CDK12: variants seen among roughly 807,000 people sequenced by gnomAD.
CDK12 encodes the protein cyclin-dependent kinase 12.
CDK12 carries 17 observed loss-of-function variants against 133.8 expected under a neutral mutation model. That is an observed-to-expected ratio of 0.13 (90% CI 0.09 to 0.19). The LOEUF is 0.19. CDK12 is among the 10% of genes least tolerant of loss of function. The pLI, the probability that CDK12 is intolerant of heterozygous loss-of-function variation, is 1.00. For synonymous variants in CDK12, 694 were observed against 683.6 expected (o/e 1.02, Z -0.24); for missense variants, 1,508 against 1,818.7 (o/e 0.83, Z 3.11).
At chr17:39,545,655 C>T (rs903269932), upstream of CDK12, among the ~76,000 whole-genome samples, 3 of 152,008 alleles carry the variant, frequency 2.0e-5, no homozygotes, top group Admixed American at 6.6e-5. Flanking sequence ...CCCGCCACTA[C>T]GCCTGGCTAA....
Position 39,483,954 on chromosome 17 carries a change from T to G in CDK12, c.1932-6603T>G, listed in dbSNP as rs543514406. On this transcript the variant is annotated intron_variant, in intron 2 of 13. Transcript: ENST00000447079. ...TGCCTCCAGGTTCAAGTGATTCTCA[T>G]GCCTCAACTTCCCAAGTGGCTGGGA... is the stretch of plus-strand genomic sequence containing the variant. 8.5e-5 allele frequency among the ~76,000 whole-genome samples: 13 copies of G among 152,170 alleles called. No individual in the cohort carries two copies. In the South Asian group the frequency reaches 2.7e-3, roughly 32 times the overall value.
chr17:39,501,945 A>G (rs1263992376), intron 6 of CDK12, among the ~76,000 whole-genome samples: 1 of 141,714 alleles, frequency 7.1e-6, no homozygotes, highest in Non-Finnish European at 1.5e-5. Context: ...CCCAGGTTCA[A>G]GCGATTCTCC....
At chr17:39,490,817 A>C in intron 3 of CDK12, 84 bp downstream of exon 3, 1 of 987,436 alleles carries the variant, frequency 1.0e-6, no homozygotes, top group Non-Finnish European at 1.5e-6. Context: ...TCTATAACCC[A>C]CACCAGTAAG....
At chr17:39,560,759 A>G (rs895616015) in intron 3 of CDK12, among the ~76,000 whole-genome samples, 1 of 152,214 alleles carries the variant, frequency 6.6e-6, no homozygotes, top group African/African-American at 2.4e-5. Flanking sequence ...CATGCCTGTA[A>G]TCCCAGCACT....
In CDK12 at chr17:39,519,857, G is replaced by A. The variant is rs2054059420; in HGVS notation, c.2964-99G>A. ...CGCAGTCCTACCTTGGCCTCCCAAA[G>A]TGCTGGAATTACAGGTGTGAGACCC... On this transcript the variant is annotated intron_variant, in intron 10 of 13. Transcript: ENST00000447079. 3.5e-6 allele frequency: 5 copies of A among 1,436,032 alleles called. No individual in the cohort carries two copies. The East Asian group carries it at 1.1e-4, about 33-fold the overall frequency. 89.0% of individuals were successfully genotyped at this position (1,436,032 alleles called of 1,614,324 possible). A position where few individuals can be genotyped will look rare whatever the true frequency, so the allele number is the denominator to read the frequency against.
chr17:39,561,267 A>G (rs1227476736), intron 3 of CDK12, among the ~76,000 whole-genome samples: 1 of 152,184 alleles, frequency 6.6e-6, no homozygotes, highest in Non-Finnish European at 1.5e-5. Flanking sequence ...GACCTATGAT[A>G]AGTGAGCTCT....
chr17:39,521,075 C>A (rs1174010402), intron 11 of CDK12, among the ~76,000 whole-genome samples: 1 of 152,026 alleles, frequency 6.6e-6, no homozygotes, highest in African/African-American at 2.4e-5. Context: ...GAACTCCCGA[C>A]CTCAGGTGAT....
At chr17:39,516,320 C>G (rs1408175154) in intron 9 of CDK12, among the ~76,000 whole-genome samples, 1 of 151,002 alleles carries the variant, frequency 6.6e-6, no homozygotes, top group Non-Finnish European at 1.5e-5. Flanking sequence ...TTGTTTTTTT[C>G]AATAAAATTA....
chr17:39,519,802 G>A (rs1023415623), intron 10 of CDK12, among the ~76,000 whole-genome samples, 154 bp from the exon 11 acceptor site: 1 of 151,884 alleles, frequency 6.6e-6, no homozygotes, highest in Non-Finnish European at 1.5e-5. Flanking sequence ...TCAGTATGTT[G>A]CCCAGGTTGA....
chr17:39,533,448 A>G lies in CDK12; in HGVS notation c.*2132A>G, dbSNP rs1166056225. The stretch of plus-strand genomic sequence containing the variant: ...TATTGGGCCCCACTCCCTGTTTTTT[A>G]TTAAAGAACGTGAGCCTGGGATACT... On this transcript the variant is annotated 3_prime_UTR_variant, in exon 14 of 14. Coordinates refer to ENST00000447079, the MANE Select transcript of CDK12 (RefSeq NM_016507.4). The G allele has an allele frequency of 1.7e-5, 4 of 233,008 alleles. No homozygotes were observed. Among genetic ancestry groups the G allele is most frequent in the African/African-American group, 6.6e-5 (3 of 45,318 alleles). 14.4% of individuals were successfully genotyped at this position (233,008 alleles called of 1,614,324 possible).
At chr17:39,552,489 C>T (rs2055993200) in intron 2 of CDK12, among the ~76,000 whole-genome samples, 1 of 152,224 alleles carries the variant, frequency 6.6e-6, no homozygotes, top group African/African-American at 2.4e-5. Flanking sequence ...GCTGCTGTTT[C>T]TACTCTGGAA....
intron 2 of CDK12, chr17:39,551,151 G>A (rs141473981): frequency 1.3e-5 from 2 of 152,314 alleles, no homozygotes; most frequent in East Asian, 3.9e-4. Flanking sequence ...AGGTAGGTAG[G>A]TGTTGGGGGA....
chr17:39,486,881 G>A (rs958960842), intron 2 of CDK12, among the ~76,000 whole-genome samples: 2 of 151,952 alleles, frequency 1.3e-5, no homozygotes, highest in African/African-American at 2.4e-5. Flanking sequence ...AGTGGCACAC[G>A]CCTGTAGTCC....
At chr17:39,503,344 A>G (rs1437279159) in intron 6 of CDK12, among the ~76,000 whole-genome samples, 1 of 152,184 alleles carries the variant, frequency 6.6e-6, no homozygotes, top group African/African-American at 2.4e-5. Context: ...AAGTCCTGGT[A>G]TTACAAGCGT....
chr17:39,535,193 T>C (rs893674559), downstream of CDK12: 4 of 152,208 alleles, frequency 2.6e-5, no homozygotes, highest in Non-Finnish European at 5.9e-5. Context: ...TGGTATGTGC[T>C]GCAATCCTGC....
rs1246940526 is a variant in CDK12 at position 39,525,999 on chromosome 17, A to G, written c.3443A>G (p.Gln1148Arg). 6.2e-7 allele frequency: 1 copy of G among 1,614,220 alleles called. No individual in the cohort carries two copies. Among genetic ancestry groups the G allele is most frequent in the South Asian group, 1.1e-5 (1 of 91,088 alleles). ...ATCCACTCCAACCCAGAGATGCAGC[A>G]GCAGCTGGAAGCCCTGAACCAATCC... is the stretch of plus-strand genomic sequence containing the variant. The part of the protein sequence containing the change: ...LNIHSNPEMQ[Q>R]QLEALNQSIS... Residue 1148 changes from glutamine to arginine, a missense_variant, in exon 13 of 14, where the codon CAG (glutamine) becomes CGG (arginine). By Grantham distance (43) the Gln-to-Arg change is conservative. Coordinates refer to ENST00000447079, the MANE Select transcript of CDK12 (RefSeq NM_016507.4).
intron 4 of CDK12, 118 bp from the exon 5 acceptor site, chr17:39,494,406 C>A: frequency 1.3e-6 from 1 of 782,432 alleles, no homozygotes; most frequent in Non-Finnish European, 2.1e-6. Context: ...ATAAGTATCT[C>A]GTGTAAGCAT....
chr17:39,508,662 TA>T (rs907800837), intron 6 of CDK12, among the ~76,000 whole-genome samples: 20 of 147,272 alleles, frequency 1.4e-4, no homozygotes, highest in African/African-American at 2.0e-4. Flanking sequence ...CCCTGGAACT[TA>T]AAAAAAAAAA....
intron 2 of CDK12, among the ~76,000 whole-genome samples, chr17:39,474,326 CATTTTATTTT>C (rs1198028797): frequency 6.6e-6 from 1 of 152,056 alleles, no homozygotes; most frequent in Admixed American, 6.6e-5. Flanking sequence ...AATTTTATTT[CATTTTATTTT>C]GAGACAGGAT....
Sources: gnomAD v4.1 joint callset for allele counts (sites outside exome capture counted in the v4.1 genomes callset) on GRCh38, gnomAD v4.1.1 for gene constraint, MANE v1.5 for transcripts, NCBI Gene and HGNC (gene_info 2026-07-23, HGNC 2026-07-21) for gene names.